Variants in NID2 observed in about 807,000 individuals in gnomAD.
The protein encoded by NID2 is nidogen 2.
NID2 carries 83 observed loss-of-function variants against 145.4 expected under a neutral mutation model. The observed-to-expected ratio is 0.57, with a 90% confidence interval of 0.48 to 0.69. NID2 has a LOEUF of 0.69. NID2 is among the 30% of genes least tolerant of loss of function. The probability of loss-of-function intolerance (pLI) is 0.00; values close to 1 mark genes in which losing one functional copy is unlikely to be tolerated. For missense variants in NID2, 1,807 were observed against 1,765.7 expected (o/e 1.02, Z -0.42); for synonymous variants, 739 against 701.3 (o/e 1.05, Z -0.85).
intron 14 of NID2, among the ~76,000 whole-genome samples, 165 bp from the exon 15 acceptor site, chr14:52,015,440 TC>T (rs1891185711): frequency 6.6e-6 from 1 of 152,216 alleles, no homozygotes; most frequent in Admixed American, 6.5e-5. Context: ...GCAAATGTGT[TC>T]TAAGTACTTC....
intron 5 of NID2, among the ~76,000 whole-genome samples, chr14:52,048,148 G>A (rs1039537501): frequency 2.0e-5 from 3 of 152,218 alleles, no homozygotes; most frequent in Non-Finnish European, 4.4e-5. Flanking sequence ...GGGGTGGGCA[G>A]AATGTTAGGA....
chr14:52,027,399 C>G (rs1891628256), intron 11 of NID2, 55 bp from the exon 12 acceptor site: 4 of 1,429,072 alleles, frequency 2.8e-6, no homozygotes, highest in Non-Finnish European at 3.7e-6. Context: ...AAGGATGAGC[C>G]TCACTCCTCA....
At chr14:52,030,731 G>A (rs939176792) in intron 9 of NID2, among the ~76,000 whole-genome samples, 3 of 152,040 alleles carry the variant, frequency 2.0e-5, no homozygotes, top group Admixed American at 6.5e-5. Flanking sequence ...CATGCTTGTA[G>A]TCCCAGCTAC....
At position 52,053,884 on chromosome 14, in the gene NID2, C is replaced by T. The variant is rs2140422066; in HGVS notation, c.1124G>A (p.Gly375Glu). ...AACTTGGCCTTTTAAATCTGGGCCC[C>T]CTACCTCTCCCAGAGATGTTCCTTC... Reference protein sequence around the residue: ...TKEGTSLGEVGGPDLKGQVEP... With the variant: ...TKEGTSLGEVEGPDLKGQVEP... The change falls in exon 5 of 22, where the codon GGG becomes GAG. Residue 375 changes from glycine (G) to glutamate (E), a missense_variant. Coordinates refer to ENST00000216286, the MANE Select transcript of NID2 (RefSeq NM_007361.4). 6.2e-7 allele frequency: 1 copy of T among 1,614,058 alleles called. No homozygotes were observed. The highest frequency in any genetic ancestry group is 1.1e-5 in the South Asian group (1 of 91,070).
chr14:52,020,277 C>T (rs1891355852), intron 12 of NID2, 99 bp from the exon 13 acceptor site: 3 of 1,545,592 alleles, frequency 1.9e-6, no homozygotes, highest in Admixed American at 2.0e-5. Flanking sequence ...GGATCAACAC[C>T]CAGTGAGGTG....
intron 5 of NID2, among the ~76,000 whole-genome samples, chr14:52,044,679 CT>C (rs1892421692): frequency 6.6e-6 from 1 of 152,132 alleles, no homozygotes; most frequent in Non-Finnish European, 1.5e-5. Context: ...GTGGTGCCAT[CT>C]CGGCTCACTG....
intron 5 of NID2, among the ~76,000 whole-genome samples, chr14:52,051,139 A>C (rs78383011): frequency 0.043 from 6,512 of 152,098 alleles, 180 homozygotes; most frequent in South Asian, 0.063. Context: ...ATGATCTGAA[A>C]ATCTAAATTT....
chr14:52,067,855 T>C lies in NID2; in HGVS notation c.534+3A>G, dbSNP rs776070019. 4.1e-5 allele frequency: 66 copies of C among 1,611,236 alleles called. 1 individual carries two copies. Among genetic ancestry groups the C allele is most frequent in the Middle Eastern group, 4.4e-4 (2 of 4,592 alleles). ...CAGCAGTCAAATATCCCTGGTCACT[T>C]ACCTCTCCCGAGGGCAGCGCCCCGC... On this transcript the variant is annotated splice_donor_region_variant and intron_variant, in intron 2 of 21. Transcript: ENST00000216286.
chr14:52,030,563 A>AAC lies in NID2; in HGVS notation c.2258-874_2258-873insGT, dbSNP rs1330845713. Among the ~76,000 whole-genome samples, 91 of 50,162 alleles carry AAC rather than the reference A, an allele frequency of 1.8e-3. 3 individuals are homozygous for AAC. The highest frequency in any genetic ancestry group is 5.6e-3 in the Admixed American group (26 of 4,682). The allele number at this position is 50,162 out of a possible 152,430, so 32.9% of individuals were successfully genotyped here. A position where few individuals can be genotyped will look rare whatever the true frequency, so the allele number is the denominator to read the frequency against. ...AAGAAAGAAAGAAAGAAAGAAAGAA[A>AAC]GAAAGGAAGGAAGGGAAAGAAAGAA... On this transcript the variant is annotated intron_variant, in intron 9 of 21. Transcript: ENST00000216286.
chr14:52,056,339 A>C (rs937667211), intron 3 of NID2, among the ~76,000 whole-genome samples: 1 of 152,232 alleles, frequency 6.6e-6, no homozygotes, highest in Non-Finnish European at 1.5e-5. Context: ...ATAATGGAAA[A>C]GTAACCAATT....
intron 9 of NID2, among the ~76,000 whole-genome samples, chr14:52,035,484 G>A (rs1892026372): frequency 6.6e-6 from 1 of 152,070 alleles, no homozygotes; most frequent in African/African-American, 2.4e-5. Flanking sequence ...CACAGGTGAG[G>A]CTAATGGTCA....
chr14:52,032,755 G>C (rs577618668), intron 9 of NID2, among the ~76,000 whole-genome samples: 18 of 147,998 alleles, frequency 1.2e-4, no homozygotes, highest in Admixed American at 1.2e-3. Context: ...GCAAAGATTA[G>C]TGTGTTCACA....
At position 52,035,871 on chromosome 14, in the gene NID2, TATATATA is replaced by T. The variant is rs1566759425; in HGVS notation, c.2257+2869_2257+2875del. Among the ~76,000 whole-genome samples, 46 of 138,404 alleles carry T rather than the reference TATATATA, an allele frequency of 3.3e-4. 5 individuals are homozygous for T. Among genetic ancestry groups the T allele is most frequent in the African/African-American group, 8.3e-4 (31 of 37,210 alleles). 90.8% of individuals were successfully genotyped at this position (138,404 alleles called of 152,430 possible). Reference sequence around the variant, plus strand: ...ATTTTTTTGTGTATATATATATATATATATATATGTTTTATTTTGTAGAGACAGGGTT... The same window carrying T: ...ATTTTTTTGTGTATATATATATATATTGTTTTATTTTGTAGAGACAGGGTT... On this transcript the variant is annotated intron_variant, in intron 9 of 21. Coordinates refer to ENST00000216286, the MANE Select transcript of NID2 (RefSeq NM_007361.4).
intron 17 of NID2, 61 bp downstream of exon 17, chr14:52,011,493 A>C: frequency 6.2e-7 from 1 of 1,607,244 alleles, no homozygotes. Flanking sequence ...CTTCGGCGTA[A>C]AGTAGACAAG....
rs374206051 is a variant in NID2 at position 52,067,899 on chromosome 14, C to T, written c.493G>A (p.Ala165Thr). ...GCCCCGCGCTTGACCTCCTCGTAAG[C>T]GCCTACCTGCTCCCAGGTGGCCAGG... ...AFLATWEQVG[A>T]YEEVKRGALP... Residue 165 changes from alanine to threonine, a missense_variant, in exon 2 of 22, where the codon GCT (alanine) becomes ACT (threonine). Ala to Thr is a moderately conservative substitution (Grantham distance 58). Coordinates refer to ENST00000216286, the MANE Select transcript of NID2 (RefSeq NM_007361.4). The T allele has an allele frequency of 4.3e-5, 69 of 1,612,878 alleles. No individual in the cohort carries two copies. The highest frequency in any genetic ancestry group is 5.3e-5 in the Non-Finnish European group (63 of 1,179,930).
In NID2 at chr14:52,053,608, A is replaced by G. The variant is rs756453389; in HGVS notation, c.1400T>C (p.Leu467Pro). 7 of 1,614,174 alleles carry G rather than the reference A, an allele frequency of 4.3e-6. No homozygotes were observed. Among genetic ancestry groups the G allele is most frequent in the Non-Finnish European group, 5.1e-6 (6 of 1,179,994 alleles). Residue 467 changes from leucine (L) to proline (P), a missense_variant, in exon 5 of 22, where the codon CTG (leucine) becomes CCG (proline). Coordinates refer to ENST00000216286, the MANE Select transcript of NID2 (RefSeq NM_007361.4). ...GGTGTTGGAACCTATGTTGTCTTCCAGTCCCACCTCATACGTCCCTCGACT... is the reference window on the plus strand; with the variant it reads ...GGTGTTGGAACCTATGTTGTCTTCCGGTCCCACCTCATACGTCCCTCGACT... The part of the protein sequence containing the change: ...PLSRGTYEVG[L>P]EDNIGSNTEV...
chr14:52,006,897 T>C (rs896484669), intron 19 of NID2: 2 of 350,374 alleles, frequency 5.7e-6, no homozygotes, highest in Non-Finnish European at 1.1e-5. Flanking sequence ...ATCTGGTAAG[T>C]TTCTGCCAAA....
chr14:52,030,877 A>C (rs1891840434), intron 9 of NID2, among the ~76,000 whole-genome samples: 1 of 152,132 alleles, frequency 6.6e-6, no homozygotes, highest in Non-Finnish European at 1.5e-5. Flanking sequence ...TTTCTACATA[A>C]TAGTCAATGC....
chr14:52,038,850 G>T lies in NID2; in HGVS notation c.2154C>A (p.Phe718Leu). Residue 718 changes from phenylalanine to leucine, a missense_variant, in exon 9 of 22, where the codon TTC becomes TTA. Phe to Leu is a conservative substitution (Grantham distance 22). Transcript: ENST00000216286. ...CCACGTTCAGCTGCTGGGTGGTGGG[G>T]AAGGACGGGTGTCTGGGGGCGTGCC... ...VCRHAPRHPS[F>L]PTTQQLNVDR... 6.2e-7 allele frequency: 1 copy of T among 1,614,102 alleles called. No homozygotes were observed. The highest frequency in any genetic ancestry group is 8.5e-7 in the Non-Finnish European group (1 of 1,180,010).
Sources: gnomAD v4.1 joint callset for allele counts (sites outside exome capture counted in the v4.1 genomes callset) on GRCh38, gnomAD v4.1.1 for gene constraint, MANE v1.5 for transcripts, NCBI Gene and HGNC (gene_info 2026-07-23, HGNC 2026-07-21) for gene names.